Variants in CAMKMT observed in about 807,000 individuals in gnomAD.
CAMKMT encodes the protein calmodulin-lysine N-methyltransferase.
A neutral mutation model predicts 48.0 loss-of-function variants in CAMKMT; 53 were observed. The observed-to-expected ratio is 1.10, with a 90% CI of 0.89 to 1.39. CAMKMT has a LOEUF of 1.39. CAMKMT is among the 40% of genes most tolerant of loss of function. The pLI is 0.00. For missense variants in CAMKMT, 428 were observed against 402.7 expected, an observed-to-expected ratio of 1.06 and a Z score of -0.54; for synonymous variants, 165 against 152.3, an observed-to-expected ratio of 1.08 and a Z score of -0.61.
chr2:44,646,461 A>G (rs916862319), intron 3 of CAMKMT, among the ~76,000 whole-genome samples: 6 of 152,168 alleles, frequency 3.9e-5, no homozygotes, highest in African/African-American at 1.4e-4. Flanking sequence ...ACTTCTTACA[A>G]TTCCATCCAG....
chr2:44,551,714 T>C (rs1360003513), intron 3 of CAMKMT, among the ~76,000 whole-genome samples: 1 of 152,180 alleles, frequency 6.6e-6, no homozygotes, highest in Non-Finnish European at 1.5e-5. Flanking sequence ...CTCTGAAGAA[T>C]AGAGATCATT....
At chr2:44,539,970 G>A (rs1267263882) in intron 3 of CAMKMT, among the ~76,000 whole-genome samples, 1 of 151,992 alleles carries the variant, frequency 6.6e-6, no homozygotes, top group Non-Finnish European at 1.5e-5. Flanking sequence ...CAATCATGAG[G>A]CGATACTTTG....
chr2:44,433,638 G>C (rs1065784), intron 3 of CAMKMT, among the ~76,000 whole-genome samples: 116,594 of 152,036 alleles, frequency 0.77, 44,973 homozygotes, highest in South Asian at 0.87. Flanking sequence ...CTAAACTGTT[G>C]ATTAAAAAAT....
Position 44,689,264 on chromosome 2 carries a change from T to TTTTTTTTATTTA in CAMKMT, c.377-15016_377-15015insTTTTATTTATTT, listed in dbSNP as rs1553438288. Among the ~76,000 whole-genome samples, 1,022 of 136,226 alleles carry TTTTTTTTATTTA rather than the reference T, an allele frequency of 7.5e-3. 12 individuals are homozygous for TTTTTTTTATTTA. The highest frequency in any genetic ancestry group is 0.026 in the African/African-American group (929 of 36,262). 89.4% of individuals were successfully genotyped at this position (136,226 alleles called of 152,430 possible). A position where few individuals can be genotyped will look rare whatever the true frequency, so the allele number is the denominator to read the frequency against. ...TTTCAAGACATGACCCAGCACTATTTTTTATTTATTTATTTATTTATTTAT... is the reference window on the plus strand; with the variant it reads ...TTTCAAGACATGACCCAGCACTATTTTTTTTTTATTTATTTATTTATTTATTTATTTATTTAT... On this transcript the variant is annotated intron_variant, in intron 3 of 10. Transcript: ENST00000378494.
chr2:44,655,235 G>A (rs1368830680), intron 3 of CAMKMT, among the ~76,000 whole-genome samples: 1 of 152,102 alleles, frequency 6.6e-6, no homozygotes, highest in African/African-American at 2.4e-5. Flanking sequence ...TTTTTATTAT[G>A]TATTAATACA....
intron 3 of CAMKMT, among the ~76,000 whole-genome samples, chr2:44,585,143 T>A (rs1318751559): frequency 6.6e-6 from 1 of 152,280 alleles, no homozygotes; most frequent in Admixed American, 6.5e-5. Context: ...TTATACCTCC[T>A]ATAAGCCAGT....
At chr2:44,430,052 T>G (rs1416703155) in intron 3 of CAMKMT, among the ~76,000 whole-genome samples, 1 of 151,992 alleles carries the variant, frequency 6.6e-6, no homozygotes, top group Non-Finnish European at 1.5e-5. Context: ...AAATTATGAC[T>G]TCTTGATACT....
At chr2:44,558,855 A>T (rs903562169) in intron 3 of CAMKMT, among the ~76,000 whole-genome samples, 5 of 152,106 alleles carry the variant, frequency 3.3e-5, no homozygotes, top group African/African-American at 1.2e-4. Flanking sequence ...TGGTGATGGG[A>T]TTATTCGTAC....
intron 2 of CAMKMT, among the ~76,000 whole-genome samples, chr2:44,373,855 G>T (rs1430546190): frequency 6.6e-6 from 1 of 152,024 alleles, no homozygotes; most frequent in East Asian, 1.9e-4. Context: ...TGGGCGCAGT[G>T]GCTCATGCCT....
chr2:44,461,924 T>G (rs1667868732), intron 3 of CAMKMT, among the ~76,000 whole-genome samples: 1 of 152,152 alleles, frequency 6.6e-6, no homozygotes, highest in African/African-American at 2.4e-5. Context: ...TCACATCACA[T>G]CGAGCTCATA....
At chr2:44,669,837 C>T (rs1447031650) in intron 3 of CAMKMT, among the ~76,000 whole-genome samples, 1 of 152,014 alleles carries the variant, frequency 6.6e-6, no homozygotes, top group Non-Finnish European at 1.5e-5. Context: ...GAAGTTTCAC[C>T]ATGTTGCCCA....
At chr2:44,649,516 G>C (rs1380541869) in intron 3 of CAMKMT, among the ~76,000 whole-genome samples, 1 of 152,202 alleles carries the variant, frequency 6.6e-6, no homozygotes, top group African/African-American at 2.4e-5. Context: ...ATCCTAAAGG[G>C]AGAAACGTCT....
intron 3 of CAMKMT, among the ~76,000 whole-genome samples, chr2:44,398,074 A>G (rs140601533): frequency 2.6e-5 from 4 of 152,314 alleles, no homozygotes; most frequent in Non-Finnish European, 5.9e-5. Flanking sequence ...TTAAATAGCT[A>G]CCATTACTTT....
intron 3 of CAMKMT, among the ~76,000 whole-genome samples, chr2:44,586,032 TA>T (rs1398877488): frequency 6.6e-6 from 1 of 152,098 alleles, no homozygotes; most frequent in Non-Finnish European, 1.5e-5. Context: ...AGAAGATAAA[TA>T]AATGTTTCTT....
chr2:44,456,301 A>C (rs1020817802), intron 3 of CAMKMT, among the ~76,000 whole-genome samples: 14 of 152,222 alleles, frequency 9.2e-5, no homozygotes, highest in Admixed American at 2.6e-4. Context: ...TAATCTGACT[A>C]TAGGGTTGGT....
intron 3 of CAMKMT, among the ~76,000 whole-genome samples, chr2:44,675,949 T>G (rs906432917): frequency 3.9e-5 from 6 of 152,228 alleles, no homozygotes; most frequent in African/African-American, 1.2e-4. Flanking sequence ...GCTAGCTTGT[T>G]TTACTTAGCA....
intron 3 of CAMKMT, among the ~76,000 whole-genome samples, chr2:44,565,706 A>G (rs910299521): frequency 3.9e-5 from 6 of 152,062 alleles, no homozygotes; most frequent in African/African-American, 1.4e-4. Context: ...AATTAAAAAA[A>G]CAAAAAAAAA....
chr2:44,538,136 G>A (rs536674124), intron 3 of CAMKMT, among the ~76,000 whole-genome samples: 107 of 152,234 alleles, frequency 7.0e-4, no homozygotes, highest in African/African-American at 2.2e-3. Flanking sequence ...TTGGGAGACC[G>A]AGGCGGGTGG....
At chr2:44,371,326 T>G (rs1263761602) in intron 1 of CAMKMT, among the ~76,000 whole-genome samples, 1 of 152,134 alleles carries the variant, frequency 6.6e-6, no homozygotes, top group Non-Finnish European at 1.5e-5. Flanking sequence ...GCCATGTTGC[T>G]CAGGCTGGTC....
Sources: gnomAD v4.1 joint callset for allele counts (sites outside exome capture counted in the v4.1 genomes callset) on GRCh38, gnomAD v4.1.1 for gene constraint, MANE v1.5 for transcripts, NCBI Gene and HGNC (gene_info 2026-07-23, HGNC 2026-07-21) for gene names.